Variants in PTP4A3 observed in about 807,000 individuals in gnomAD.
The protein encoded by PTP4A3 is protein tyrosine phosphatase 4A3.
A neutral mutation model predicts 15.2 loss-of-function variants in PTP4A3; 9 were observed. The ratio of observed to expected loss-of-function variants is 0.59; its 90% CI spans 0.36 to 1.03. The LOEUF (loss-of-function observed/expected upper bound fraction) is 1.03. Among genes scored for constraint, PTP4A3 ranks in the 50% least tolerant of loss-of-function variants. The pLI, the probability that PTP4A3 is intolerant of heterozygous loss-of-function variation, is 0.02. For synonymous variants in PTP4A3, 95 were observed against 102.0 expected (o/e 0.93, Z 0.41); for missense variants, 234 against 252.1 (o/e 0.93, Z 0.49).
At chr8:141,415,607 T>C (rs1460846451) in intron 1 of PTP4A3, among the ~76,000 whole-genome samples, 4 of 91,050 alleles carry the variant, frequency 4.4e-5, no homozygotes, top group Non-Finnish European at 7.0e-5. Flanking sequence ...GTGGGCCCTT[T>C]TGACGTGCGC....
chr8:141,429,160 G>A (rs1228256896), intron 5 of PTP4A3, among the ~76,000 whole-genome samples: 2 of 152,254 alleles, frequency 1.3e-5, no homozygotes, highest in Non-Finnish European at 1.5e-5. Flanking sequence ...GGCCCTACCC[G>A]GAGGCGTGGC....
intron 1 of PTP4A3, among the ~76,000 whole-genome samples, chr8:141,407,940 A>G (rs534761149): frequency 6.6e-6 from 1 of 152,210 alleles, no homozygotes; most frequent in East Asian, 1.9e-4. Flanking sequence ...CATTAGCGTT[A>G]GTGTATTTTA....
chr8:141,428,948 T>C (rs1320235440), intron 5 of PTP4A3, among the ~76,000 whole-genome samples: 3 of 152,190 alleles, frequency 2.0e-5, no homozygotes, highest in Non-Finnish European at 4.4e-5. Context: ...GGTGCACACC[T>C]TCCCCGGGTT....
rs555954903 is a variant in PTP4A3 at position 141,422,640 on chromosome 8, CA to C, written c.105+296del. On this transcript the variant is annotated intron_variant, in intron 2 of 5. Coordinates refer to ENST00000521578, the MANE Select transcript of PTP4A3 (RefSeq NM_032611.3). ...GTGTGGATAGAGGCAGGGGGTGAGG[CA>C]GGGGGATACATGGACCAGGCTGTGC... Among the ~76,000 whole-genome samples the C allele has an allele frequency of 3.3e-5, 5 of 152,126 alleles. No homozygotes were observed. The East Asian group carries it at 9.7e-4, about 29-fold the overall frequency.
At position 141,425,200 on chromosome 8, in the gene PTP4A3, G is replaced by GGGGCCC; in HGVS notation, c.198+62_198+63insGCCCGG. The stretch of plus-strand genomic sequence containing the variant: ...TGCCACCGGGGGAGGGTGGGGCGGG[G>GGGGCCC]GGCTCCGGGCCTGCGCAGAGGGTTT... On this transcript the variant is annotated intron_variant, in intron 3 of 5. Coordinates refer to ENST00000521578, the MANE Select transcript of PTP4A3 (RefSeq NM_032611.3). This position sits in a 1 kb window ranked among gnomAD's most constrained non-coding sequence, Gnocchi z 4.2. 8.7e-7 allele frequency: 1 copy of GGGGCCC among 1,155,900 alleles called. No individual in the cohort carries two copies. The highest frequency in any genetic ancestry group is 1.3e-6 in the Non-Finnish European group (1 of 780,220). 71.6% of individuals were successfully genotyped at this position (1,155,900 alleles called of 1,614,324 possible).
intron 1 of PTP4A3, among the ~76,000 whole-genome samples, chr8:141,402,191 G>C (rs559493120): frequency 6.6e-6 from 1 of 152,310 alleles, no homozygotes; most frequent in East Asian, 1.9e-4. Flanking sequence ...GGTGGAGCAG[G>C]TGAAGGGAGA....
chr8:141,423,062 G>A (rs1245425787), intron 2 of PTP4A3, among the ~76,000 whole-genome samples: 1 of 152,234 alleles, frequency 6.6e-6, no homozygotes, highest in East Asian at 1.9e-4. Flanking sequence ...CTCTGACTGT[G>A]CCAGGCTGTG....
In PTP4A3 at chr8:141,424,117, CAG is replaced by C. The variant is rs2130218081; in HGVS notation, c.106-928_106-927del. On this transcript the variant is annotated intron_variant, in intron 2 of 5. Transcript: ENST00000521578. ...GGGCCTCTGAGGTACCCCATGGCCA[CAG>C]AGCCCAGCACCCTGCCTGCTCCCTG... is the stretch of plus-strand genomic sequence containing the variant. 2.0e-5 allele frequency among the ~76,000 whole-genome samples: 3 copies of C among 152,204 alleles called. No individual in the cohort carries two copies. The East Asian group carries it at 5.8e-4, about 30-fold the overall frequency.
At chr8:141,417,638 C>CGCACCGGGAGAGG (rs1329458134) in intron 1 of PTP4A3, among the ~76,000 whole-genome samples, 1 of 152,024 alleles carries the variant, frequency 6.6e-6, no homozygotes, top group African/African-American at 2.4e-5. Flanking sequence ...AGGGAGGGCG[C>CGCACCGGGAGAGG]GCACCGGGAG....
chr8:141,395,120 A>G (rs981159471), intron 1 of PTP4A3, among the ~76,000 whole-genome samples: 1 of 152,194 alleles, frequency 6.6e-6, no homozygotes, highest in Non-Finnish European at 1.5e-5. Context: ...GAGCGGGATC[A>G]GGGCTACGTG....
chr8:141,400,121 T>C (rs1367606714), intron 1 of PTP4A3, among the ~76,000 whole-genome samples: 1 of 152,190 alleles, frequency 6.6e-6, no homozygotes, highest in Non-Finnish European at 1.5e-5. Context: ...CTGCTTCTCC[T>C]GGACTCAAGT....
At chr8:141,423,040 C>T (rs532003442) in intron 2 of PTP4A3, among the ~76,000 whole-genome samples, 5 of 152,290 alleles carry the variant, frequency 3.3e-5, no homozygotes, top group Admixed American at 6.5e-5. Context: ...TGTGCGGGGC[C>T]GTTGACAGAG....
At chr8:141,394,900 C>T (rs778295130) in intron 1 of PTP4A3, among the ~76,000 whole-genome samples, 9 of 152,232 alleles carry the variant, frequency 5.9e-5, no homozygotes, top group Admixed American at 1.3e-4. Flanking sequence ...CTGACTTCGG[C>T]GCCCCGCGAG....
In PTP4A3 at chr8:141,422,107, A is replaced by T; in HGVS notation, c.-134A>T. The T allele has an allele frequency of 1.2e-6, 1 of 841,904 alleles. No individual in the cohort carries two copies. The highest frequency in any genetic ancestry group is 1.9e-6 in the Non-Finnish European group (1 of 532,022). The allele number at this position is 841,904 out of a possible 1,614,324, so 52.2% of individuals were successfully genotyped here. A position where few individuals can be genotyped will look rare whatever the true frequency, so the allele number is the denominator to read the frequency against. On this transcript the variant is annotated 5_prime_UTR_variant, in exon 2 of 6. It removes the in-frame stop codon of an upstream open reading frame in the 5' UTR. Transcript: ENST00000521578. ...GTGCGGGGTATGGGGGTGGGTTTTT[A>T]AATCTCGTTTCTCTTGGACAAGCAC...
chr8:141,429,362 G>C (rs147320275), intron 5 of PTP4A3, among the ~76,000 whole-genome samples: 4 of 152,252 alleles, frequency 2.6e-5, no homozygotes, highest in Admixed American at 6.5e-5. Flanking sequence ...CTCCAGAGGC[G>C]CTGGGTGGGC....
chr8:141,401,964 G>T (rs1023455106), intron 1 of PTP4A3, among the ~76,000 whole-genome samples: 1 of 148,982 alleles, frequency 6.7e-6, no homozygotes, highest in East Asian at 1.9e-4. Flanking sequence ...AGCCCAGGGG[G>T]GCCCCGTGAT....
At chr8:141,397,034 A>C (rs944698279) in intron 1 of PTP4A3, among the ~76,000 whole-genome samples, 1 of 152,132 alleles carries the variant, frequency 6.6e-6, no homozygotes, top group Non-Finnish European at 1.5e-5. Context: ...CCGGCCAGGG[A>C]GGAAGCCAGG....
chr8:141,417,830 C>G (rs545037950), intron 1 of PTP4A3, among the ~76,000 whole-genome samples: 29 of 152,082 alleles, frequency 1.9e-4, no homozygotes, highest in Admixed American at 2.0e-4. Context: ...TGGGAGCCCC[C>G]GGCAGCCGGG....
rs80176301 is a variant in PTP4A3 at position 141,406,246 on chromosome 8, G to T, written c.-854+14162G>T. 6.6e-6 allele frequency among the ~76,000 whole-genome samples: 1 copy of T among 152,088 alleles called. No homozygotes were observed. Among genetic ancestry groups the T allele is most frequent in the African/African-American group, 2.4e-5 (1 of 41,398 alleles). ...ACCATTTCACTTGTCGGCCACCCAC[G>T]GCTGCTTCCTGCCCCATCTGGGGAT... On this transcript the variant is annotated intron_variant, in intron 1 of 5. Transcript: ENST00000521578. This position sits in a 1 kb window ranked among gnomAD's most constrained non-coding sequence, Gnocchi z 4.5.
Sources: gnomAD v4.1 joint callset for allele counts (sites outside exome capture counted in the v4.1 genomes callset) on GRCh38, gnomAD v4.1.1 for gene constraint, Gnocchi (gnomAD v3.1) non-coding constraint, MANE v1.5 for transcripts, NCBI Gene and HGNC (gene_info 2026-07-23, HGNC 2026-07-21) for gene names.